Variants in ZFAND4 observed in about 807,000 individuals in gnomAD.
The protein encoded by ZFAND4 is AN1-type zinc finger protein 4.
Under a neutral mutation model 64.4 loss-of-function variants are expected in ZFAND4, and 43 were observed. That is an observed-to-expected ratio of 0.67 (90% CI 0.52 to 0.86). ZFAND4 has a LOEUF of 0.86. Ranked by LOEUF, ZFAND4 falls within the 40% of genes least tolerant of loss-of-function variation. ZFAND4 has a pLI of 0.00. For synonymous variants in ZFAND4, 296 were observed against 305.7 expected (o/e 0.97, Z 0.33); for missense variants, 929 against 859.8 (o/e 1.08, Z -1.01).
intron 6 of ZFAND4, among the ~76,000 whole-genome samples, chr10:45,635,355 G>A (rs1457689811): frequency 6.6e-6 from 1 of 151,882 alleles, no homozygotes; most frequent in Non-Finnish European, 1.5e-5. Flanking sequence ...AGAGAACCCA[G>A]AAACAAGTCC....
At chr10:45,648,753 C>T (rs1378938868) in intron 4 of ZFAND4, among the ~76,000 whole-genome samples, 1 of 152,116 alleles carries the variant, frequency 6.6e-6, no homozygotes, top group Non-Finnish European at 1.5e-5. Flanking sequence ...GATTATGTTG[C>T]TATATTCAAA....
intron 8 of ZFAND4, among the ~76,000 whole-genome samples, chr10:45,618,552 C>T (rs2045175599): frequency 6.6e-6 from 1 of 152,108 alleles, no homozygotes; most frequent in South Asian, 2.1e-4. Context: ...ATATAAAGTA[C>T]ACCAAATTTT....
At chr10:45,620,475 ACT>A (rs1481165288) in intron 8 of ZFAND4, among the ~76,000 whole-genome samples, 3 of 151,988 alleles carry the variant, frequency 2.0e-5, no homozygotes, top group South Asian at 2.1e-4. Context: ...ACAGGGCGAG[ACT>A]CTGTCTAAAA....
At chr10:45,628,529 G>A (rs967795924) in intron 6 of ZFAND4, among the ~76,000 whole-genome samples, 2 of 152,000 alleles carry the variant, frequency 1.3e-5, no homozygotes, top group Non-Finnish European at 2.9e-5. Context: ...GGCTGGTCTC[G>A]AACCCCTGAC....
chr10:45,630,705 G>A (rs573596055), intron 6 of ZFAND4, among the ~76,000 whole-genome samples: 10 of 151,396 alleles, frequency 6.6e-5, no homozygotes, highest in Non-Finnish European at 1.2e-4. Flanking sequence ...CAGCCTGGGC[G>A]ACACAGCAAG....
intron 6 of ZFAND4, among the ~76,000 whole-genome samples, chr10:45,628,896 C>CAAA (rs74412113): frequency 3.5e-4 from 16 of 45,394 alleles, no homozygotes; most frequent in African/African-American, 9.6e-4. Context: ...GGAGCTTCAC[C>CAAA]AAAAAAAAAA....
At chr10:45,628,693 T>C (rs2046001062) in intron 6 of ZFAND4, among the ~76,000 whole-genome samples, 1 of 151,938 alleles carries the variant, frequency 6.6e-6, no homozygotes, top group Admixed American at 6.6e-5. Flanking sequence ...GACAGCTGCC[T>C]AAAACTGAAT....
intron 8 of ZFAND4, among the ~76,000 whole-genome samples, chr10:45,619,220 T>C (rs2045236176): frequency 6.6e-6 from 1 of 151,964 alleles, no homozygotes; most frequent in Non-Finnish European, 1.5e-5. Context: ...TTTGTATTTT[T>C]AGTAGAGACG....
At chr10:45,644,811 T>C (rs1002942713) in intron 5 of ZFAND4, among the ~76,000 whole-genome samples, 8 of 152,142 alleles carry the variant, frequency 5.3e-5, no homozygotes, top group African/African-American at 1.4e-4. Context: ...TTGGCCCCTA[T>C]GAATAGTCTG....
intron 8 of ZFAND4, among the ~76,000 whole-genome samples, chr10:45,623,839 T>C (rs2133547967): frequency 6.6e-6 from 1 of 152,332 alleles, no homozygotes; most frequent in East Asian, 1.9e-4. Context: ...TATGATTTTA[T>C]AACCTTGGGC....
chr10:45,616,334 TGGC>T lies in ZFAND4; in HGVS notation c.*99_*101del. The T allele has an allele frequency of 2.1e-6, 3 of 1,454,778 alleles. No individual in the cohort carries two copies. Among genetic ancestry groups the T allele is most frequent in the Non-Finnish European group, 1.9e-6 (2 of 1,075,668 alleles). The allele number at this position is 1,454,778 out of a possible 1,614,324, so 90.1% of individuals were successfully genotyped here. A position where few individuals can be genotyped will look rare whatever the true frequency, so the allele number is the denominator to read the frequency against. The stretch of plus-strand genomic sequence containing the variant: ...GTATGCATTGTATGCTTTTGTTATT[TGGC>T]AAATCTTTTAGAGTCGAACAAAAAT... On this transcript the variant is annotated 3_prime_UTR_variant, in exon 10 of 10. Transcript: ENST00000344646.
intron 8 of ZFAND4, among the ~76,000 whole-genome samples, chr10:45,622,485 G>C (rs946128696): frequency 6.6e-6 from 1 of 152,184 alleles, no homozygotes; most frequent in Non-Finnish European, 1.5e-5. Flanking sequence ...GGAGAAAATA[G>C]ACAAACTGGA....
intron 2 of ZFAND4, among the ~76,000 whole-genome samples, chr10:45,653,513 A>G (rs1476659502): frequency 6.6e-6 from 1 of 152,254 alleles, no homozygotes; most frequent in Non-Finnish European, 1.5e-5. Flanking sequence ...AAGGACATGC[A>G]TGAACAGACA....
intron 1 of ZFAND4, among the ~76,000 whole-genome samples, chr10:45,671,659 A>G (rs886227404): frequency 6.6e-6 from 1 of 152,152 alleles, no homozygotes; most frequent in Non-Finnish European, 1.5e-5. Flanking sequence ...AGGGAGGGGA[A>G]CATCACACAC....
intron 5 of ZFAND4, among the ~76,000 whole-genome samples, chr10:45,643,705 G>A (rs1002719838): frequency 6.6e-6 from 1 of 151,140 alleles, no homozygotes; most frequent in African/African-American, 2.4e-5. Flanking sequence ...CCAGTAAGGT[G>A]GCATGATCCA....
chr10:45,635,214 C>CAAAAAAAAAAAAAAAAA (rs76130878), intron 6 of ZFAND4, among the ~76,000 whole-genome samples: 1 of 68,284 alleles, frequency 1.5e-5, no homozygotes, highest in African/African-American at 5.6e-5. Context: ...AAAAAAAAAA[C>CAAAAAAAAAAAAAAAAA]AAAAAAAAAA....
chr10:45,646,276 T>C (rs564587850), intron 5 of ZFAND4, among the ~76,000 whole-genome samples: 2 of 152,286 alleles, frequency 1.3e-5, no homozygotes, highest in South Asian at 4.2e-4. Context: ...CTTGATGCTG[T>C]CTCTTGGCCT....
At chr10:45,651,530 C>A (rs900825576) in intron 4 of ZFAND4, 1 of 468,634 alleles carries the variant, frequency 2.1e-6, no homozygotes, top group African/African-American at 2.0e-5. Context: ...CAACCGGGGC[C>A]ATGATAATAT....
At chr10:45,641,697 A>G (rs936981288) in intron 5 of ZFAND4, among the ~76,000 whole-genome samples, 5 of 152,240 alleles carry the variant, frequency 3.3e-5, no homozygotes, top group Admixed American at 1.3e-4. Context: ...CACAAGTACA[A>G]CACTGAAGTA....
Sources: allele counts gnomAD v4.1 joint callset (sites outside exome capture counted in the v4.1 genomes callset), GRCh38; gene constraint gnomAD v4.1.1; transcripts MANE v1.5; gene names NCBI Gene and HGNC (gene_info 2026-07-23, HGNC 2026-07-21).